The following ARHGAP17 variants were observed in gnomAD, a reference collection of about 807,000 sequenced individuals.
ARHGAP17 encodes the protein Rho GTPase activating protein 17, also known as rho GTPase-activating protein 17.
A neutral mutation model predicts 99.5 loss-of-function variants in ARHGAP17; 57 were observed. The observed-to-expected ratio is 0.57, with a 90% CI of 0.46 to 0.71. The LOEUF (loss-of-function observed/expected upper bound fraction) is 0.71, where lower values mean the gene tolerates loss of function less well. ARHGAP17 is among the 30% of genes least tolerant of loss of function. ARHGAP17 has a pLI of 0.00. For missense variants in ARHGAP17, 1,000 were observed against 1,122.4 expected, an observed-to-expected ratio of 0.89 and a Z score of 1.56; for synonymous variants, 417 against 429.6, an observed-to-expected ratio of 0.97 and a Z score of 0.36.
intron 12 of ARHGAP17, among the ~76,000 whole-genome samples, chr16:24,950,560 C>A (rs1177871413): frequency 6.6e-6 from 1 of 152,102 alleles, no homozygotes; most frequent in African/African-American, 2.4e-5. Context: ...TGCGGCTGAG[C>A]GCGGTGGTTT....
intron 12 of ARHGAP17, among the ~76,000 whole-genome samples, chr16:24,951,865 G>C (rs1181185562): frequency 6.6e-6 from 1 of 152,080 alleles, no homozygotes; most frequent in Middle Eastern, 3.2e-3. Flanking sequence ...AATTATGTAG[G>C]GTATCAATGC....
intron 1 of ARHGAP17, among the ~76,000 whole-genome samples, chr16:24,999,399 TTTTA>T (rs138044912): frequency 1.5e-4 from 23 of 149,502 alleles, no homozygotes; most frequent in African/African-American, 2.2e-4. Context: ...TCTACAGGTG[TTTTA>T]TTTATTTATT....
At chr16:24,968,823 C>CT (rs746277890) in intron 4 of ARHGAP17, 51 bp from the exon 5 acceptor site, 1 of 1,574,274 alleles carries the variant, frequency 6.4e-7, no homozygotes, top group Non-Finnish European at 8.7e-7. Context: ...AAATCAGGCA[C>CT]TGGATTATCG....
At chr16:24,958,781 G>T (rs183161756) in intron 9 of ARHGAP17, among the ~76,000 whole-genome samples, 1 of 152,026 alleles carries the variant, frequency 6.6e-6, no homozygotes, top group Non-Finnish European at 1.5e-5. Flanking sequence ...ACACATGCTC[G>T]GTCTCAAAAT....
chr16:24,973,153 C>T (rs1192010118), intron 3 of ARHGAP17, among the ~76,000 whole-genome samples: 2 of 152,146 alleles, frequency 1.3e-5, no homozygotes, highest in Non-Finnish European at 2.9e-5. Flanking sequence ...ATTTTAAATG[C>T]TCTAAAGACT....
At chr16:24,929,400 G>A (rs756970063) in intron 19 of ARHGAP17, among the ~76,000 whole-genome samples, 1 of 152,114 alleles carries the variant, frequency 6.6e-6, no homozygotes, top group East Asian at 1.9e-4. Context: ...TCTACTCCTC[G>A]AATTTGAAGC....
chr16:25,003,206 A>G (rs2053416008), intron 1 of ARHGAP17, among the ~76,000 whole-genome samples: 1 of 151,766 alleles, frequency 6.6e-6, no homozygotes. Flanking sequence ...GGGCAAATAA[A>G]ACAAGAGTAT....
At chr16:25,009,146 A>T (rs1194562589) in intron 1 of ARHGAP17, among the ~76,000 whole-genome samples, 1 of 152,314 alleles carries the variant, frequency 6.6e-6, no homozygotes, top group East Asian at 1.9e-4. Flanking sequence ...TGGGTGGATC[A>T]CCTGAGGTCA....
chr16:24,977,685 T>G (rs1285588856), intron 2 of ARHGAP17, among the ~76,000 whole-genome samples: 2 of 152,060 alleles, frequency 1.3e-5, no homozygotes, highest in African/African-American at 4.8e-5. Context: ...TTTTCAAAAT[T>G]ATTCCTTATT....
intron 12 of ARHGAP17, among the ~76,000 whole-genome samples, chr16:24,951,395 G>A (rs2051640370): frequency 6.6e-6 from 1 of 152,184 alleles, no homozygotes. Flanking sequence ...CTACAAAGAT[G>A]AGCACAGTAC....
intron 16 of ARHGAP17, among the ~76,000 whole-genome samples, chr16:24,941,418 A>G (rs779453113): frequency 1.4e-4 from 21 of 152,192 alleles, no homozygotes; most frequent in Non-Finnish European, 1.2e-4. Flanking sequence ...TTGCCCATAG[A>G]AAAGAGTATA....
chr16:24,966,046 C>T (rs1051170133), intron 6 of ARHGAP17, among the ~76,000 whole-genome samples: 1 of 152,210 alleles, frequency 6.6e-6, no homozygotes, highest in Non-Finnish European at 1.5e-5. Context: ...ACTCAAGATG[C>T]AAAACTCCTG....
intron 1 of ARHGAP17, among the ~76,000 whole-genome samples, chr16:24,982,853 A>G (rs2052713752): frequency 6.6e-6 from 1 of 150,854 alleles, no homozygotes. Flanking sequence ...GAGTTTTTGT[A>G]ATTTATTAAA....
intron 19 of ARHGAP17, among the ~76,000 whole-genome samples, chr16:24,924,768 C>T (rs979301924): frequency 5.3e-5 from 8 of 151,894 alleles, no homozygotes; most frequent in African/African-American, 1.9e-4. Context: ...GAGGCTGAGG[C>T]AGGAGAATCG....
chr16:24,959,625 T>TGGCAGAGGC (rs2141266639), intron 9 of ARHGAP17, 46 bp downstream of exon 9: 1 of 1,580,220 alleles, frequency 6.3e-7, no homozygotes, highest in Non-Finnish European at 8.7e-7. Context: ...CAGGCAGAGG[T>TGGCAGAGGC]GGCAGAGGCA....
rs776632973 is a variant in ARHGAP17 at position 24,954,756 on chromosome 16, A to T, written c.725-26T>A. The T allele has an allele frequency of 4.3e-6, 7 of 1,611,620 alleles. No individual in the cohort carries two copies. The African/African-American group carries it at 9.3e-5, about 22-fold the overall frequency. On this transcript the variant is annotated intron_variant, in intron 9 of 19. Coordinates refer to ENST00000289968, the MANE Select transcript of ARHGAP17 (RefSeq NM_001006634.3). The stretch of plus-strand genomic sequence containing the variant: ...CTAGAGCAGCAAATTGTTCAGTTAG[A>T]CACCCAACAAACTCACGGCATTACC...
Position 24,968,436 on chromosome 16 carries a change from A to G in ARHGAP17, c.385-9T>C, listed in dbSNP as rs2052255985. 1 of 1,614,196 alleles carries G rather than the reference A, an allele frequency of 6.2e-7. No individual in the cohort carries two copies. Among genetic ancestry groups the G allele is most frequent in the Non-Finnish European group, 8.5e-7 (1 of 1,179,984 alleles). ...ATGTTGGGAATCTCCACCTAAAAAT[A>G]AGAACATACCAAATGGGATGCACTT... On this transcript the variant is annotated splice_polypyrimidine_tract_variant and intron_variant, in intron 5 of 19. Transcript: ENST00000289968.
At position 25,011,251 on chromosome 16, in the gene ARHGAP17, G is replaced by A. The variant is rs577637361; in HGVS notation, c.53+3958C>T. On this transcript the variant is annotated intron_variant, in intron 1 of 19. Coordinates refer to ENST00000289968, the MANE Select transcript of ARHGAP17 (RefSeq NM_001006634.3). The stretch of plus-strand genomic sequence containing the variant: ...TCCACTCTCAGTCCATATGGTTTGG[G>A]TGCGCTGACTCCAGTCCATTTCTGG... Among the ~76,000 whole-genome samples the A allele has an allele frequency of 1.6e-4, 25 of 152,234 alleles. No homozygotes were observed. In the Middle Eastern group the frequency reaches 0.014, roughly 83 times the overall value.
intron 1 of ARHGAP17, among the ~76,000 whole-genome samples, chr16:25,011,389 G>A (rs904590705): frequency 2.0e-5 from 3 of 152,166 alleles, no homozygotes; most frequent in African/African-American, 4.8e-5. Context: ...AAGTCTCCCA[G>A]TGGACACAGT....
Sources: gnomAD v4.1 joint callset for allele counts (sites outside exome capture counted in the v4.1 genomes callset) on GRCh38, gnomAD v4.1.1 for gene constraint, MANE v1.5 for transcripts, NCBI Gene and HGNC (gene_info 2026-07-23, HGNC 2026-07-21) for gene names.